MYCBP2: variants seen among roughly 807,000 people sequenced by gnomAD.
MYCBP2 encodes the protein E3 ubiquitin-protein ligase MYCBP2.
A neutral mutation model predicts 525.3 loss-of-function variants in MYCBP2; 120 were observed. The ratio of observed to expected loss-of-function variants is 0.23; its 90% CI spans 0.20 to 0.27. MYCBP2 has a LOEUF of 0.27. Ranked by LOEUF, MYCBP2 falls within the 10% of genes least tolerant of loss-of-function variation. The pLI is 1.00. For missense variants in MYCBP2, 4,149 were observed against 5,657.1 expected (o/e 0.73, Z 8.55); for synonymous variants, 1,894 against 1,955.8 (o/e 0.97, Z 0.83).
chr13:77,231,003 G>A (rs1265744326), intron 18 of MYCBP2, among the ~76,000 whole-genome samples: 1 of 152,210 alleles, frequency 6.6e-6, no homozygotes, highest in East Asian at 1.9e-4. Flanking sequence ...AAGACAGTGA[G>A]TGTAAATGGT....
intron 69 of MYCBP2, 45 bp downstream of exon 69, chr13:77,070,586 A>ACT: frequency 7.3e-7 from 1 of 1,362,434 alleles, no homozygotes; most frequent in Non-Finnish European, 1.0e-6. Context: ...ACACACACAC[A>ACT]CACACACAAA....
At position 77,051,799 on chromosome 13, in the gene MYCBP2, T is replaced by C. The variant is rs376292784; in HGVS notation, c.13755+12A>G. The C allele has an allele frequency of 6.3e-6, 10 of 1,598,326 alleles. No homozygotes were observed. The African/African-American group carries it at 1.1e-4, about 17-fold the overall frequency. ...TTCTAAACTGTTGTTTCTAATAAAA[T>C]GTTCTGCCTACCTGAGCCCTGGAAA... On this transcript the variant is annotated intron_variant, in intron 81 of 82. Transcript: ENST00000544440.
intron 15 of MYCBP2, among the ~76,000 whole-genome samples, chr13:77,245,744 AACACACACACACACAC>A (rs71102727): frequency 6.3e-5 from 9 of 143,170 alleles, no homozygotes; most frequent in African/African-American, 1.8e-4. Context: ...AACGTAAAGT[AACACACACACACACAC>A]ACACACACAC....
At chr13:77,259,109 C>T (rs1017176142) in intron 13 of MYCBP2, among the ~76,000 whole-genome samples, 13 of 151,904 alleles carry the variant, frequency 8.6e-5, no homozygotes, top group African/African-American at 3.1e-4. Flanking sequence ...ACAAAAAATA[C>T]AAAAAATTAG....
chr13:77,324,400 C>A (rs1367170460), intron 1 of MYCBP2, among the ~76,000 whole-genome samples: 1 of 152,184 alleles, frequency 6.6e-6, no homozygotes, highest in Non-Finnish European at 1.5e-5. Flanking sequence ...TGTCCCTATA[C>A]AAATAATTCT....
chr13:77,243,235 T>C lies in MYCBP2; in HGVS notation c.2528-75A>G. On this transcript the variant is annotated intron_variant, in intron 16 of 82. Transcript: ENST00000544440. ...ATAGCTATGACAGAACTACATAAAA[T>C]TCAAGAAAGTAAAAGCTAGCAAAAA... is the stretch of plus-strand genomic sequence containing the variant. The C allele has an allele frequency of 5.3e-6, 6 of 1,129,760 alleles. No homozygotes were observed. The South Asian group carries it at 6.4e-5, about 12-fold the overall frequency. The allele number at this position is 1,129,760 out of a possible 1,614,324, so 70.0% of individuals were successfully genotyped here.
chr13:77,070,275 G>C (rs956119598), intron 69 of MYCBP2, among the ~76,000 whole-genome samples: 1 of 152,150 alleles, frequency 6.6e-6, no homozygotes, highest in Non-Finnish European at 1.5e-5. Context: ...GCATAAAAAA[G>C]CCTTCATAAA....
At chr13:77,092,369 T>C (rs953843075) in intron 59 of MYCBP2, 2 of 152,164 alleles carry the variant, frequency 1.3e-5, no homozygotes, top group African/African-American at 4.8e-5. Context: ...AATCCATATG[T>C]CAGCTTCTCA....
At position 77,144,455 on chromosome 13, in the gene MYCBP2, G is replaced by T; in HGVS notation, c.7293C>A (p.Gly2431=). Residue 2431 remains glycine, a synonymous_variant, in exon 49 of 83, where the codon GGC becomes GGA. Transcript: ENST00000544440. ...GLYTLHVTID[G]IEIDAGLEVK... ...CTTTAAAGAAAATACCGATTTCAAT[G>T]CCATCAATGGTAACATGAAGAGTGT... 1 of 1,608,444 alleles carries T rather than the reference G, an allele frequency of 6.2e-7. No individual in the cohort carries two copies. Among genetic ancestry groups the T allele is most frequent in the Non-Finnish European group, 8.5e-7 (1 of 1,175,076 alleles).
chr13:77,051,898 A>G lies in MYCBP2; in HGVS notation c.13668T>C (p.Ala4556=). Residue 4556 remains alanine (A), a synonymous_variant, in exon 81 of 83, where the codon GCT becomes GCC. Transcript: ENST00000544440. ...CCCGTCCAGCCTCAGCATCGCAGCGAGCTTCACCACCAAAATATGCCTGTG... is the reference window on the plus strand; with the variant it reads ...CCCGTCCAGCCTCAGCATCGCAGCGGGCTTCACCACCAAAATATGCCTGTG... The part of the protein sequence containing the change: ...KCRKAYFGGE[A]RCDAEAGRGD... 5 of 1,614,136 alleles carry G rather than the reference A, an allele frequency of 3.1e-6. No individual in the cohort carries two copies. Among genetic ancestry groups the G allele is most frequent in the Non-Finnish European group, 4.2e-6 (5 of 1,180,010 alleles).
intron 13 of MYCBP2, among the ~76,000 whole-genome samples, chr13:77,258,557 T>C (rs990778327): frequency 1.3e-5 from 2 of 152,212 alleles, no homozygotes; most frequent in Non-Finnish European, 1.5e-5. Flanking sequence ...TCTCATATTA[T>C]GCTTTGGGAA....
chr13:77,218,511 C>T lies in MYCBP2; in HGVS notation c.2940-554G>A, dbSNP rs76965947. On this transcript the variant is annotated intron_variant, in intron 20 of 82. Coordinates refer to ENST00000544440, the MANE Select transcript of MYCBP2 (RefSeq NM_015057.5). ...AAAGCTAGACTGGCTGGTTGTGAAT[C>T]CTGGCTCCCCAACTTAATAATAATG... 6.1e-3 allele frequency among the ~76,000 whole-genome samples: 930 copies of T among 152,280 alleles called. 2 individuals are homozygous for T. The highest frequency in any genetic ancestry group is 0.01 in the Middle Eastern group (3 of 294).
At chr13:77,186,858 T>C (rs1238089347) in intron 30 of MYCBP2, among the ~76,000 whole-genome samples, 1 of 143,500 alleles carries the variant, frequency 7.0e-6, no homozygotes, top group Non-Finnish European at 1.5e-5. Context: ...CAGACTGGAA[T>C]GCAATGGTGT....
At chr13:77,139,413 A>T in intron 51 of MYCBP2, 77 bp from the exon 52 acceptor site, 1 of 1,480,974 alleles carries the variant, frequency 6.8e-7, no homozygotes, top group Non-Finnish European at 9.1e-7. Context: ...AAAGTCTGCA[A>T]AGCAGAAAAA....
In MYCBP2 at chr13:77,314,277, A is replaced by C. The variant is rs534822223; in HGVS notation, c.302+12197T>G. 2.0e-5 allele frequency among the ~76,000 whole-genome samples: 3 copies of C among 152,232 alleles called. No individual in the cohort carries two copies. In the East Asian group the frequency reaches 5.8e-4, roughly 29 times the overall value. The stretch of plus-strand genomic sequence containing the variant: ...CAATGTCATTTGTCAATTTCTAAAA[A>C]AGAAAATGTATGTCCACACAAAAAC... On this transcript the variant is annotated intron_variant, in intron 1 of 82. Transcript: ENST00000544440.
intron 1 of MYCBP2, among the ~76,000 whole-genome samples, chr13:77,316,624 CT>C (rs2080971945): frequency 6.8e-6 from 1 of 147,704 alleles, no homozygotes; most frequent in African/African-American, 2.4e-5. Context: ...CCTGGAGAAA[CT>C]TTCCAGAGGA....
rs539216655 is a variant in MYCBP2 at position 77,088,717 on chromosome 13, C to A, written c.10725+115G>T. 49 of 819,058 alleles carry A rather than the reference C, an allele frequency of 6.0e-5. No homozygotes were observed. The Admixed American group carries it at 1.2e-3, about 20-fold the overall frequency. 50.7% of individuals were successfully genotyped at this position (819,058 alleles called of 1,614,324 possible). A position where few individuals can be genotyped will look rare whatever the true frequency, so the allele number is the denominator to read the frequency against. On this transcript the variant is annotated intron_variant, in intron 61 of 82. Transcript: ENST00000544440. The stretch of plus-strand genomic sequence containing the variant: ...AGGAACACTTAATACTTTTAATTGG[C>A]TAATGCCTTTTAATTTCACACAATT...
rs557661675 is a variant in MYCBP2 at position 77,149,153 on chromosome 13, G to T, written c.7131+1581C>A. ...CTTTCTATAGTCAAACATCTTGAAAGGCTTATCTACACTCACTTCAGCCAT... is the reference window on the plus strand; with the variant it reads ...CTTTCTATAGTCAAACATCTTGAAATGCTTATCTACACTCACTTCAGCCAT... On this transcript the variant is annotated intron_variant, in intron 47 of 82. Transcript: ENST00000544440. 1.7e-3 allele frequency among the ~76,000 whole-genome samples: 258 copies of T among 151,990 alleles called. 1 individual carries two copies. Among genetic ancestry groups the T allele is most frequent in the African/African-American group, 6.0e-3 (248 of 41,464 alleles).
At chr13:77,294,111 T>TATATACATAC (rs1555465561) in intron 2 of MYCBP2, among the ~76,000 whole-genome samples, 24 of 54,476 alleles carry the variant, frequency 4.4e-4, no homozygotes, top group Admixed American at 9.0e-4. Flanking sequence ...TGGCTATATA[T>TATATACATAC]ATATATATAT....
Sources: allele counts gnomAD v4.1 joint callset (sites outside exome capture counted in the v4.1 genomes callset), GRCh38; gene constraint gnomAD v4.1.1; transcripts MANE v1.5; gene names NCBI Gene and HGNC (gene_info 2026-07-23, HGNC 2026-07-21).